ANKRD30B: variants seen among roughly 807,000 people sequenced by gnomAD.
The protein encoded by ANKRD30B is ankyrin repeat domain-containing protein 30B.
ANKRD30B carries 144 observed loss-of-function variants against 202.2 expected under a neutral mutation model. The observed-to-expected ratio is 0.71, with a 90% CI of 0.62 to 0.82. The LOEUF (loss-of-function observed/expected upper bound fraction) is 0.82. Among genes scored for constraint, ANKRD30B ranks in the 40% least tolerant of loss-of-function variants. The probability of loss-of-function intolerance (pLI) is 0.00; values close to 1 mark genes in which losing one functional copy is unlikely to be tolerated. For synonymous variants in ANKRD30B, 508 were observed against 561.3 expected (o/e 0.91, Z 1.34); for missense variants, 1,487 against 1,669.1 (o/e 0.89, Z 1.90).
chr18:14,927,973 AT>A, the ANKRD30B span, among the ~76,000 whole-genome samples: 521 of 145,648 alleles, frequency 3.6e-3, 1 homozygote, highest in Non-Finnish European at 4.7e-3. Context: ...TGTGATGGTA[AT>A]TTTTTTTTTT....
At chr18:14,762,271 A>G (rs982448554) in intron 6 of ANKRD30B, among the ~76,000 whole-genome samples, 4 of 152,196 alleles carry the variant, frequency 2.6e-5, no homozygotes, top group Non-Finnish European at 5.9e-5. Context: ...TCAAGGATCA[A>G]CTGTGTGACA....
chr18:14,871,160 T>TC, the ANKRD30B span, among the ~76,000 whole-genome samples: 1 of 4,032 alleles, frequency 2.5e-4, no homozygotes. Flanking sequence ...CACACACCCC[T>TC]ACCCACACCG....
intron 20 of ANKRD30B, 131 bp from the exon 21 acceptor site, chr18:14,798,970 C>T (rs574500123): frequency 9.8e-7 from 1 of 1,018,278 alleles, no homozygotes; most frequent in Non-Finnish European, 1.5e-6. Context: ...CCAAAAGACC[C>T]CAAAACCTAG....
At chr18:14,832,093 A>G (rs71364900) in intron 34 of ANKRD30B, among the ~76,000 whole-genome samples, 6 of 152,184 alleles carry the variant, frequency 3.9e-5, no homozygotes, top group African/African-American at 9.6e-5. Flanking sequence ...TTTGGGCATG[A>G]TGGTGCATGC....
chr18:14,784,722 T>TA (rs1432712273), intron 14 of ANKRD30B, among the ~76,000 whole-genome samples, 187 bp downstream of exon 14: 4 of 150,872 alleles, frequency 2.7e-5, no homozygotes, highest in Non-Finnish European at 3.0e-5. Flanking sequence ...TATATTTTTT[T>TA]TAAAAAAATG....
chr18:14,766,555 TG>T (rs959592104), intron 7 of ANKRD30B, among the ~76,000 whole-genome samples: 33 of 149,192 alleles, frequency 2.2e-4, no homozygotes, highest in African/African-American at 8.2e-4. Context: ...CAAATAGTCA[TG>T]GGACAGACCA....
rs1415317600 is a variant in ANKRD30B at position 14,810,185 on chromosome 18, A to G, written c.2488+5A>G. 4.4e-6 allele frequency: 6 copies of G among 1,359,594 alleles called. No individual in the cohort carries two copies. The Admixed American group carries it at 9.0e-5, about 20-fold the overall frequency. 84.2% of individuals were successfully genotyped at this position (1,359,594 alleles called of 1,614,324 possible). On this transcript the variant is annotated splice_donor_5th_base_variant and intron_variant, in intron 28 of 43. Transcript: ENST00000690538. ...ACAGAGAAACATTAAAAGCAGGTAA[A>G]CTTTGTAATTTAAATTTTACTCTGG... is the stretch of plus-strand genomic sequence containing the variant.
the ANKRD30B span, among the ~76,000 whole-genome samples, chr18:14,862,441 G>T: frequency 0.51 from 77,473 of 151,998 alleles, 19,926 homozygotes; most frequent in Non-Finnish European, 0.53. Flanking sequence ...ATGAGACATT[G>T]CAAAGGATAC....
At chr18:14,940,998 G>A in the ANKRD30B span, among the ~76,000 whole-genome samples, 1 of 152,100 alleles carries the variant, frequency 6.6e-6, no homozygotes, top group Non-Finnish European at 1.5e-5. Flanking sequence ...AGGGTCACCA[G>A]GCTCTGGGAC....
At chr18:14,916,142 C>T in the ANKRD30B span, among the ~76,000 whole-genome samples, 1 of 152,284 alleles carries the variant, frequency 6.6e-6, no homozygotes, top group Admixed American at 6.5e-5. Flanking sequence ...TGCTGTGGGC[C>T]TCAGCCAACC....
the ANKRD30B span, among the ~76,000 whole-genome samples, chr18:14,866,276 C>T: frequency 5.9e-5 from 9 of 152,266 alleles, no homozygotes; most frequent in South Asian, 4.1e-4. Flanking sequence ...CACTGTGGCT[C>T]GTCTCACTCT....
At chr18:14,849,286 T>C (rs966811405) in intron 40 of ANKRD30B, among the ~76,000 whole-genome samples, 17 of 151,854 alleles carry the variant, frequency 1.1e-4, no homozygotes, top group African/African-American at 3.6e-4. Flanking sequence ...TGGAATAAAT[T>C]CTTCAATATA....
downstream of ANKRD30B, among the ~76,000 whole-genome samples, chr18:14,856,582 G>T: frequency 8.7e-6 from 1 of 115,032 alleles, no homozygotes; most frequent in Non-Finnish European, 1.9e-5. Flanking sequence ...GGGCGGCCGG[G>T]CAGAGGCGCT....
chr18:14,756,350 A>G (rs1259531088), intron 4 of ANKRD30B, among the ~76,000 whole-genome samples: 1 of 152,052 alleles, frequency 6.6e-6, no homozygotes, highest in Non-Finnish European at 1.5e-5. Context: ...CCCATTCTGT[A>G]GGTTGCCTGT....
At chr18:14,932,463 A>C in the ANKRD30B span, among the ~76,000 whole-genome samples, 1 of 152,058 alleles carries the variant, frequency 6.6e-6, no homozygotes, top group Admixed American at 6.5e-5. Context: ...CAGCCTCCCG[A>C]GTAGCTGGGA....
chr18:14,752,846 A>C lies in ANKRD30B; in HGVS notation c.344A>C (p.Gln115Pro). The C allele has an allele frequency of 1.2e-6, 2 of 1,608,574 alleles. No individual in the cohort carries two copies. The highest frequency in any genetic ancestry group is 2.2e-5 in the South Asian group (2 of 90,432). Residue 115 changes from glutamine to proline, a missense_variant, in exon 3 of 44, where the codon CAA becomes CCA. Gln to Pro is a moderately conservative substitution (Grantham distance 76). Around this residue, in one of 6 missense-constraint regions of ANKRD30B, gnomAD observed 889 missense variants for 841.4 expected, o/e 1.06. Transcript: ENST00000690538. ...EGRTPLMKAL[Q>P]CEREACANIL... Reference sequence around the variant, plus strand: ...TTGCTTTAATACTGACAGGCTCTACAATGCGAGAGGGAGGCTTGTGCAAAT... The same window carrying C: ...TTGCTTTAATACTGACAGGCTCTACCATGCGAGAGGGAGGCTTGTGCAAAT...
At chr18:14,897,064 T>C in the ANKRD30B span, among the ~76,000 whole-genome samples, 2 of 151,026 alleles carry the variant, frequency 1.3e-5, no homozygotes, top group African/African-American at 4.9e-5. Flanking sequence ...TAGATCTTGA[T>C]GGATGAATAG....
At chr18:14,870,125 C>A in the ANKRD30B span, among the ~76,000 whole-genome samples, 1 of 152,180 alleles carries the variant, frequency 6.6e-6, no homozygotes, top group African/African-American at 2.4e-5. Context: ...AGTGAGCCAC[C>A]ACGCGAAGCC....
intron 40 of ANKRD30B, among the ~76,000 whole-genome samples, chr18:14,849,233 A>G (rs898171773): frequency 3.2e-4 from 48 of 151,938 alleles, no homozygotes; most frequent in Non-Finnish European, 2.9e-5. Context: ...GCTACAAGAC[A>G]TAACTGCATG....
Sources: allele counts gnomAD v4.1 joint callset (sites outside exome capture counted in the v4.1 genomes callset), GRCh38; gene constraint gnomAD v4.1.1; regional missense constraint gnomAD v4.1.1; transcripts MANE v1.5; gene names NCBI Gene and HGNC (gene_info 2026-07-23, HGNC 2026-07-21).